PDE4D: variants seen among roughly 807,000 people sequenced by gnomAD.
PDE4D encodes the protein 3',5'-cyclic-AMP phosphodiesterase 4D.
In PDE4D, 24 loss-of-function variants were observed where a neutral mutation model predicts 87.4. That is an observed-to-expected ratio of 0.27 (90% CI 0.20 to 0.39). PDE4D has a LOEUF of 0.39. Ranked by LOEUF, PDE4D falls within the 10% of genes least tolerant of loss-of-function variation. The pLI, the probability that PDE4D is intolerant of heterozygous loss-of-function variation, is 1.00. For missense variants in PDE4D, 714 were observed against 1,041.0 expected, an observed-to-expected ratio of 0.69 and a Z score of 4.32; for synonymous variants, 384 against 383.2, an observed-to-expected ratio of 1.00 and a Z score of -0.02.
At chr5:60,192,614 A>G (rs906328417) in intron 1 of PDE4D, among the ~76,000 whole-genome samples, 6 of 152,220 alleles carry the variant, frequency 3.9e-5, no homozygotes, top group African/African-American at 1.4e-4. Flanking sequence ...TTTCAATTAT[A>G]TGAGAAAAAG....
At chr5:59,197,025 CTCT>C (rs1241268665) in intron 2 of PDE4D, among the ~76,000 whole-genome samples, 1 of 152,030 alleles carries the variant, frequency 6.6e-6, no homozygotes. Flanking sequence ...AAGCTATAGT[CTCT>C]TCTTTCATTT....
chr5:59,278,316 A>G (rs1428635842), intron 1 of PDE4D, among the ~76,000 whole-genome samples: 1 of 152,074 alleles, frequency 6.6e-6, no homozygotes, highest in Non-Finnish European at 1.5e-5. Context: ...ATGCAAGCAT[A>G]TGATGGCATG....
Position 59,442,074 on chromosome 5 carries a change from A to AAGTGGTAACTC in PDE4D, c.456-226107_456-226106insGAGTTACCACT, listed in dbSNP as rs573357351. On this transcript the variant is annotated intron_variant, in intron 1 of 14. Coordinates refer to ENST00000340635, the MANE Select transcript of PDE4D (RefSeq NM_001104631.2). ...ACAGCATATTCCTGAGTTACCAGAC[A>AAGTGGTAACTC]AGTGATAGTGAGATTATGGCTAGTT... 7.5e-4 allele frequency among the ~76,000 whole-genome samples: 114 copies of AAGTGGTAACTC among 152,350 alleles called. No homozygotes were observed. In the East Asian group the frequency reaches 0.022, roughly 29 times the overall value.
intron 1 of PDE4D, among the ~76,000 whole-genome samples, chr5:60,192,558 C>G (rs1000648792): frequency 6.6e-6 from 1 of 151,946 alleles, no homozygotes; most frequent in South Asian, 2.1e-4. Context: ...AATATGAGAA[C>G]CTTCATGATG....
chr5:59,333,292 A>G (rs1177143530), intron 1 of PDE4D, among the ~76,000 whole-genome samples: 1 of 152,118 alleles, frequency 6.6e-6, no homozygotes, highest in Non-Finnish European at 1.5e-5. Flanking sequence ...GAAGGGCAGC[A>G]TTTTTCTTTT....
Position 59,044,731 on chromosome 5 carries a change from T to C in PDE4D, c.809-5760A>G, listed in dbSNP as rs375778269. Among the ~76,000 whole-genome samples, 10 of 152,366 alleles carry C rather than the reference T, an allele frequency of 6.6e-5. 1 individual carries two copies. Among genetic ancestry groups the C allele is most frequent in the African/African-American group, 2.4e-4 (10 of 41,588 alleles). On this transcript the variant is annotated intron_variant, in intron 5 of 14. Transcript: ENST00000340635. The stretch of plus-strand genomic sequence containing the variant: ...CAAGTGTATTTCTGGCATCAAATTA[T>C]TGTTTTGAAGTATTTTAAAATTGTA...
chr5:60,511,112 G>A (rs191852392), intron 1 of PDE4D, among the ~76,000 whole-genome samples: 8 of 152,230 alleles, frequency 5.3e-5, no homozygotes, highest in African/African-American at 1.9e-4. Flanking sequence ...TGGGATTATA[G>A]GTGCTTGCCA....
intron 2 of PDE4D, among the ~76,000 whole-genome samples, chr5:59,210,514 A>G (rs1004295629): frequency 1.3e-5 from 2 of 152,220 alleles, no homozygotes; most frequent in African/African-American, 2.4e-5. Flanking sequence ...AGTATTATCT[A>G]CTAGCTGAGA....
chr5:59,814,213 C>A (rs1414913782), intron 1 of PDE4D, among the ~76,000 whole-genome samples: 1 of 152,072 alleles, frequency 6.6e-6, no homozygotes, highest in African/African-American at 2.4e-5. Context: ...ATAAATAAAG[C>A]TTTATTGGGA....
At chr5:59,001,892 A>G (rs1329252359) in intron 6 of PDE4D, among the ~76,000 whole-genome samples, 1 of 152,178 alleles carries the variant, frequency 6.6e-6, no homozygotes, top group Non-Finnish European at 1.5e-5. Context: ...ACCATTCAAC[A>G]GGTGTTTCAT....
chr5:59,085,258 G>A (rs908848924), intron 5 of PDE4D, among the ~76,000 whole-genome samples: 9 of 152,032 alleles, frequency 5.9e-5, no homozygotes, highest in African/African-American at 2.2e-4. Context: ...GGTAAGAAAA[G>A]TGTTCATGAT....
intron 1 of PDE4D, among the ~76,000 whole-genome samples, chr5:59,712,417 TA>T (rs1754335451): frequency 1.5e-4 from 22 of 145,558 alleles, no homozygotes; most frequent in Admixed American, 1.4e-3. Flanking sequence ...TATATATATA[TA>T]TATATATATA....
rs35911590 is a variant in PDE4D at position 60,390,646 on chromosome 5, T to TA, written c.-90+97295dup. ...TTTCTCTGCAGTAGAAATGATAATT[T>TA]AAAAAAAAAAAAAAAACAAGAACCA... On this transcript the variant is annotated intron_variant, in intron 1 of 16. Transcript: ENST00000502484. Among the ~76,000 whole-genome samples the TA allele has an allele frequency of 5.8e-3, 802 of 138,696 alleles. 6 individuals carry two copies. The highest frequency in any genetic ancestry group is 0.012 in the African/African-American group (470 of 38,582). 91.0% of individuals were successfully genotyped at this position (138,696 alleles called of 152,430 possible). A position where few individuals can be genotyped will look rare whatever the true frequency, so the allele number is the denominator to read the frequency against.
chr5:60,055,478 G>A (rs572993913), intron 2 of PDE4D, among the ~76,000 whole-genome samples: 1 of 152,034 alleles, frequency 6.6e-6, no homozygotes. Context: ...ATTAGCATTA[G>A]ATGGCTAAAC....
At chr5:60,497,370 G>A (rs187553077) in intron 1 of PDE4D, among the ~76,000 whole-genome samples, 10 of 152,014 alleles carry the variant, frequency 6.6e-5, no homozygotes, top group East Asian at 5.8e-4. Context: ...TGTATTGGCC[G>A]CTTGCAATTC....
At chr5:58,989,632 G>T in intron 10 of PDE4D, 123 bp downstream of exon 10, 1 of 594,006 alleles carries the variant, frequency 1.7e-6, no homozygotes, top group Non-Finnish European at 2.9e-6. Flanking sequence ...TCCCCCATAA[G>T]TCAATAAGTT....
intron 1 of PDE4D, among the ~76,000 whole-genome samples, chr5:60,235,943 C>G (rs774914597): frequency 6.6e-6 from 1 of 151,878 alleles, no homozygotes; most frequent in Non-Finnish European, 1.5e-5. Context: ...CACACAAATA[C>G]AGCCAATTTA....
intron 1 of PDE4D, among the ~76,000 whole-genome samples, chr5:59,642,615 TCACCTCC>T (rs1314198278): frequency 6.6e-6 from 1 of 152,182 alleles, no homozygotes; most frequent in Non-Finnish European, 1.5e-5. Flanking sequence ...GAAGTGTCTT[TCACCTCC>T]CACCATGATT....
chr5:59,474,338 C>A (rs1276311341), intron 1 of PDE4D, among the ~76,000 whole-genome samples: 1 of 152,082 alleles, frequency 6.6e-6, no homozygotes, highest in Non-Finnish European at 1.5e-5. Context: ...TGCTTAACAT[C>A]AATCAAATCT....
Sources: gnomAD v4.1 joint callset for allele counts (sites outside exome capture counted in the v4.1 genomes callset) on GRCh38, gnomAD v4.1.1 for gene constraint, MANE v1.5 for transcripts, NCBI Gene and HGNC (gene_info 2026-07-23, HGNC 2026-07-21) for gene names.